The following TCF20 variants were observed in gnomAD, a reference collection of about 807,000 sequenced individuals.
The protein encoded by TCF20 is transcription factor 20, also known as SPRE-binding protein.
A neutral mutation model predicts 148.6 loss-of-function variants in TCF20; 3 were observed. The ratio of observed to expected loss-of-function variants is 0.02; its 90% CI spans 0.01 to 0.05. The LOEUF (loss-of-function observed/expected upper bound fraction) is 0.05, where lower values mean the gene tolerates loss of function less well. Ranked by LOEUF, TCF20 falls within the 10% of genes least tolerant of loss-of-function variation. The probability of loss-of-function intolerance (pLI) is 1.00; values close to 1 mark genes in which losing one functional copy is unlikely to be tolerated. For synonymous variants in TCF20, 1,049 were observed against 909.5 expected (o/e 1.15, Z -2.76); for missense variants, 2,350 against 2,429.3 (o/e 0.97, Z 0.69).
At chr22:42,285,856 C>T (rs924977964), upstream of TCF20, among the ~76,000 whole-genome samples, 1 of 152,124 alleles carries the variant, frequency 6.6e-6, no homozygotes, top group Non-Finnish European at 1.5e-5. The surrounding 1 kb of genome is among the most constrained non-coding windows in gnomAD (Gnocchi z 4.2). Flanking sequence ...CCACTTCCTG[C>T]GTTACATGAG....
At chr22:42,228,950 T>C (rs1923150619) in intron 1 of TCF20, among the ~76,000 whole-genome samples, 1 of 152,184 alleles carries the variant, frequency 6.6e-6, no homozygotes, top group Non-Finnish European at 1.5e-5. Context: ...AACTTTTGTT[T>C]CTGTTGTGTC....
intron 1 of TCF20, among the ~76,000 whole-genome samples, chr22:42,289,175 C>G (rs1337664469): frequency 6.6e-6 from 1 of 152,182 alleles, no homozygotes; most frequent in East Asian, 1.9e-4. Flanking sequence ...ACAAAACAGC[C>G]CCAGAACAGC....
At chr22:42,337,087 T>A (rs1203116637) in intron 1 of TCF20, among the ~76,000 whole-genome samples, 1 of 151,984 alleles carries the variant, frequency 6.6e-6, no homozygotes, top group East Asian at 1.9e-4. Context: ...GTGCATGGAG[T>A]CCTGGTCTCC....
chr22:42,213,077 C>T lies in TCF20; in HGVS notation c.2229G>A (p.Lys743=), dbSNP rs908577602. Reference sequence around the variant, plus strand: ...GGCTTGGGAATTTTTCATTTCTACCCTTTCGTTCCCCATGGCCAGTGAAAT... The same window carrying T: ...GGCTTGGGAATTTTTCATTTCTACCTTTTCGTTCCCCATGGCCAGTGAAAT... ...KGDFTGHGER[K]GRNEKFPSLL... Residue 743 remains lysine, a synonymous_variant, in exon 2 of 6, where the codon AAG becomes AAA. Coordinates refer to ENST00000677622, the MANE Select transcript of TCF20 (RefSeq NM_001378418.1). The T allele has an allele frequency of 1.2e-6, 2 of 1,614,174 alleles. No individual in the cohort carries two copies. Among genetic ancestry groups the T allele is most frequent in the African/African-American group, 1.3e-5 (1 of 75,046 alleles).
At chr22:42,239,519 G>A (rs939449717) in intron 1 of TCF20, among the ~76,000 whole-genome samples, 1 of 151,834 alleles carries the variant, frequency 6.6e-6, no homozygotes, top group African/African-American at 2.4e-5. Context: ...CAGGTGTGGT[G>A]GCTCATGCCT....
At chr22:42,304,428 C>T (rs921131274) in intron 1 of TCF20, among the ~76,000 whole-genome samples, 3 of 152,146 alleles carry the variant, frequency 2.0e-5, no homozygotes, top group African/African-American at 7.2e-5. Context: ...CAGCCCTGGG[C>T]AGCCAGCCCC....
chr22:42,256,055 G>GTC (rs749663794), intron 1 of TCF20, among the ~76,000 whole-genome samples: 5 of 151,796 alleles, frequency 3.3e-5, no homozygotes, highest in South Asian at 2.1e-4. Flanking sequence ...TCTTCCACTT[G>GTC]TCTCTCTCTC....
At chr22:42,204,932 A>AG (rs985106436) in intron 2 of TCF20, among the ~76,000 whole-genome samples, 4 of 152,236 alleles carry the variant, frequency 2.6e-5, no homozygotes, top group East Asian at 3.9e-4. Context: ...AAGTTTCCCA[A>AG]GGGGGGTTGG....
chr22:42,338,668 G>A lies in TCF20; in HGVS notation c.-37+4811C>T, dbSNP rs767204409. 1.4e-4 allele frequency among the ~76,000 whole-genome samples: 21 copies of A among 152,240 alleles called. No homozygotes were observed. Among genetic ancestry groups the A allele is most frequent in the Admixed American group, 7.2e-4 (11 of 15,284 alleles). ...AGACAGCCATGTTGCCAGCTCCTGCGACGGAGGCTGCCAGGCGGGACGGGC... is the reference window on the plus strand; with the variant it reads ...AGACAGCCATGTTGCCAGCTCCTGCAACGGAGGCTGCCAGGCGGGACGGGC... On this transcript the variant is annotated intron_variant, in intron 1 of 1. Transcript: ENST00000515426. The surrounding 1 kb of genome is among the most constrained non-coding windows in gnomAD (Gnocchi z 4.0).
intron 2 of TCF20, among the ~76,000 whole-genome samples, chr22:42,185,956 C>T (rs1826745455): frequency 1.3e-5 from 2 of 152,212 alleles, no homozygotes; most frequent in South Asian, 4.1e-4. Context: ...CAGTTCTTCT[C>T]AGGTCCATTT....
chr22:42,179,682 C>T lies in TCF20; in HGVS notation c.5676G>A (p.Glu1892=). The change falls in exon 3 of 6, where the codon GAG becomes GAA. Residue 1892 remains glutamate, a synonymous_variant. Transcript: ENST00000677622. Reference sequence around the variant, plus strand: ...TGTAGCAGCCCAAGGTGGCGCCTGCCTCCTGGCAGTGGGAACATTTCTGAA... The same window carrying T: ...TGTAGCAGCCCAAGGTGGCGCCTGCTTCCTGGCAGTGGGAACATTTCTGAA... ...AREMKCSHCQ[E]AGATLGCYNK... is the part of the protein sequence containing the mutation. 6.2e-7 allele frequency: 1 copy of T among 1,613,914 alleles called. No homozygotes were observed. Among genetic ancestry groups the T allele is most frequent in the South Asian group, 1.1e-5 (1 of 91,074 alleles).
Position 42,211,373 on chromosome 22 carries a change from G to T in TCF20, c.3933C>A (p.Ile1311=). Residue 1311 remains isoleucine (I), a synonymous_variant, in exon 2 of 6, where the codon ATC becomes ATA. Transcript: ENST00000677622. ...HLSHSQDIKS[I]PKRDSSKDLP... is the part of the protein sequence containing the mutation. ...GGTCCTTGGAGGAATCTCTCTTAGG[G>T]ATAGACTTGATATCCTGACTGTGAG... 6.2e-7 allele frequency: 1 copy of T among 1,614,176 alleles called. No homozygotes were observed. The highest frequency in any genetic ancestry group is 8.5e-7 in the Non-Finnish European group (1 of 1,180,014).
intron 1 of TCF20, among the ~76,000 whole-genome samples, chr22:42,225,380 C>T (rs555237993): frequency 5.3e-5 from 8 of 150,582 alleles, no homozygotes; most frequent in South Asian, 2.1e-4. Context: ...TTTGGGAGGC[C>T]GAGGCGGGTG....
At chr22:42,263,880 A>G in intron 1 of TCF20, among the ~76,000 whole-genome samples, 1 of 151,438 alleles carries the variant, frequency 6.6e-6, no homozygotes, top group East Asian at 1.9e-4. Flanking sequence ...ATGGCAAAGA[A>G]TAGGTCCTAC....
intron 1 of TCF20, among the ~76,000 whole-genome samples, chr22:42,323,893 ATGG>A (rs1353542732): frequency 3.1e-5 from 1 of 32,156 alleles, no homozygotes; most frequent in African/African-American, 1.0e-4. Flanking sequence ...GATGGAGGTT[ATGG>A]TGGTGGAGGT....
chr22:42,314,889 G>C (rs1927601994), intron 1 of TCF20, among the ~76,000 whole-genome samples: 1 of 152,128 alleles, frequency 6.6e-6, no homozygotes. Context: ...AGGGAGGAGG[G>C]GAGCGGCTGA....
chr22:42,185,799 A>G (rs568539616), intron 2 of TCF20, among the ~76,000 whole-genome samples: 1 of 152,316 alleles, frequency 6.6e-6, no homozygotes, highest in East Asian at 1.9e-4. Context: ...TCTTCATGAA[A>G]AGCTCATGAG....
Position 42,168,656 on chromosome 22 carries a change from C to A in TCF20, c.5880G>T (p.Gly1960=), listed in dbSNP as rs770363191. Residue 1960 remains glycine, a synonymous_variant, in exon 5 of 6, where the codon GGG becomes GGT. Coordinates refer to ENST00000677622, the MANE Select transcript of TCF20 (RefSeq NM_001378418.1). The stretch of plus-strand genomic sequence containing the variant: ...TCCCACGAGCACACTGCCCCCCTCA[C>A]CCCCGCTCCGACTGCTCTGTGCTGA... ...GSLSTEQSER[G] The A allele has an allele frequency of 1.2e-6, 2 of 1,602,914 alleles. No individual in the cohort carries two copies. The highest frequency in any genetic ancestry group is 1.7e-5 in the Admixed American group (1 of 59,200).
chr22:42,231,110 T>C (rs910127154), intron 1 of TCF20, among the ~76,000 whole-genome samples: 2 of 152,062 alleles, frequency 1.3e-5, no homozygotes, highest in Admixed American at 6.6e-5. Flanking sequence ...TGCAGTGAGC[T>C]GAGACTGCAC....
Sources: allele counts gnomAD v4.1 joint callset (sites outside exome capture counted in the v4.1 genomes callset), GRCh38; gene constraint gnomAD v4.1.1; non-coding constraint Gnocchi (gnomAD v3.1); transcripts MANE v1.5; gene names NCBI Gene and HGNC (gene_info 2026-07-23, HGNC 2026-07-21).